Variants in CCDC50 observed in about 807,000 individuals in gnomAD.
The protein encoded by CCDC50 is coiled-coil domain containing 50, also known as coiled-coil domain-containing protein 50.
A neutral mutation model predicts 70.2 loss-of-function variants in CCDC50; 54 were observed. The observed-to-expected ratio is 0.77, with a 90% confidence interval of 0.62 to 0.96. CCDC50 has a LOEUF of 0.96. CCDC50 is among the 50% of genes least tolerant of loss of function. The pLI, the probability that CCDC50 is intolerant of heterozygous loss-of-function variation, is 0.00. For synonymous variants in CCDC50, 216 were observed against 198.8 expected (o/e 1.09, Z -0.73); for missense variants, 558 against 578.7 (o/e 0.96, Z 0.37).
chr3:191,396,562 C>T lies in CCDC50; in HGVS notation c.*4802C>T, dbSNP rs1713865202. On this transcript the variant is annotated 3_prime_UTR_variant, in exon 12 of 12. Coordinates refer to ENST00000392455, the MANE Select transcript of CCDC50 (RefSeq NM_178335.3). Reference sequence around the variant, plus strand: ...ATGGTGACTACATAGAAGATATTTCCAAAGGTTCTGTTATGCAGTGAAGAC... The same window carrying T: ...ATGGTGACTACATAGAAGATATTTCTAAAGGTTCTGTTATGCAGTGAAGAC... 6.6e-6 allele frequency: 1 copy of T among 152,004 alleles called. No homozygotes were observed. Among genetic ancestry groups the T allele is most frequent in the Non-Finnish European group, 1.5e-5 (1 of 67,992 alleles). 9.4% of individuals were successfully genotyped at this position (152,004 alleles called of 1,614,324 possible). A position where few individuals can be genotyped will look rare whatever the true frequency, so the allele number is the denominator to read the frequency against.
rs1341943154 is a variant in CCDC50, at chr3:191,392,965, T to C, written c.*1205T>C. ...GTTGGCCAGGCTGGTCTCGAACCCC[T>C]GACCTCAAGTGATCCACCTGCCTTG... is the stretch of plus-strand genomic sequence containing the variant. On this transcript the variant is annotated 3_prime_UTR_variant, in exon 12 of 12. Transcript: ENST00000392455. The C allele has an allele frequency of 1.3e-5, 2 of 152,264 alleles. No individual in the cohort carries two copies. The highest frequency in any genetic ancestry group is 2.9e-5 in the Non-Finnish European group (2 of 68,096). 9.4% of individuals were successfully genotyped at this position (152,264 alleles called of 1,614,324 possible). A position where few individuals can be genotyped will look rare whatever the true frequency, so the allele number is the denominator to read the frequency against.
At chr3:191,382,569 G>A (rs974659741) in intron 9 of CCDC50, among the ~76,000 whole-genome samples, 177 bp from the exon 10 acceptor site, 1 of 152,046 alleles carries the variant, frequency 6.6e-6, no homozygotes, top group African/African-American at 2.4e-5. Flanking sequence ...TCTACCTCTG[G>A]AGTGGCCATA....
intron 3 of CCDC50, among the ~76,000 whole-genome samples, chr3:191,359,246 TTA>T (rs957197121): frequency 1.1e-4 from 17 of 152,112 alleles, no homozygotes; most frequent in Admixed American, 5.9e-4. Flanking sequence ...AATTAGAAGT[TTA>T]TAGTGATGGG....
In CCDC50 at chr3:191,392,705, GT is replaced by G. The variant is rs1230294865; in HGVS notation, c.*946del. 6.6e-6 allele frequency: 1 copy of G among 152,186 alleles called. No individual in the cohort carries two copies. The highest frequency in any genetic ancestry group is 1.5e-5 in the Non-Finnish European group (1 of 68,054). 9.4% of individuals were successfully genotyped at this position (152,186 alleles called of 1,614,324 possible). ...TCAACATGAAGTTGAATTTGATGAA[GT>G]GGTCATCTATCCAAGTATTTGGTTT... is the stretch of plus-strand genomic sequence containing the variant. On this transcript the variant is annotated 3_prime_UTR_variant, in exon 12 of 12. Coordinates refer to ENST00000392455, the MANE Select transcript of CCDC50 (RefSeq NM_178335.3).
At chr3:191,391,665 TGG>T (rs1576978904) in intron 11 of CCDC50, 74 bp from the exon 12 acceptor site, 1 of 1,259,318 alleles carries the variant, frequency 7.9e-7, no homozygotes, top group East Asian at 2.3e-5. Flanking sequence ...TTATTTTACT[TGG>T]GCAGGGAGAA....
Position 191,396,403 on chromosome 3 carries a change from T to G in CCDC50, c.*4643T>G, listed in dbSNP as rs1713858332. The G allele has an allele frequency of 6.6e-6, 1 of 152,154 alleles. No individual in the cohort carries two copies. Among genetic ancestry groups the G allele is most frequent in the Admixed American group, 6.5e-5 (1 of 15,278 alleles). 9.4% of individuals were successfully genotyped at this position (152,154 alleles called of 1,614,324 possible). The stretch of plus-strand genomic sequence containing the variant: ...TCTGTAACACAATAAATACATAATT[T>G]TATTTCATGTTGTCTGTCCACCTCT... On this transcript the variant is annotated 3_prime_UTR_variant, in exon 12 of 12. Transcript: ENST00000392455.
At chr3:191,378,916 A>G (rs1282277135) in intron 6 of CCDC50, among the ~76,000 whole-genome samples, 1 of 152,038 alleles carries the variant, frequency 6.6e-6, no homozygotes, top group African/African-American at 2.4e-5. Flanking sequence ...GGAAATACAG[A>G]TGTGTATGAG....
intron 4 of CCDC50, among the ~76,000 whole-genome samples, chr3:191,362,269 G>A (rs1342179498): frequency 1.3e-5 from 2 of 151,842 alleles, no homozygotes; most frequent in African/African-American, 4.8e-5. Context: ...AGGCACACGC[G>A]CCCACACTTG....
chr3:191,329,450 C>A lies in CCDC50; in HGVS notation c.-225C>A, dbSNP rs1210406867. 2.2e-6 allele frequency: 1 copy of A among 462,858 alleles called. No individual in the cohort carries two copies. Among genetic ancestry groups the A allele is most frequent in the East Asian group, 3.9e-5 (1 of 25,880 alleles). The allele number at this position is 462,858 out of a possible 1,614,324, so 28.7% of individuals were successfully genotyped here. On this transcript the variant is annotated 5_prime_UTR_variant, in exon 1 of 12. Transcript: ENST00000392455. ...GGGGCCGGGGACGCGGAGCAGGTGG[C>A]CGCGGCGGGGCAGCTGGGCCGCCAG... is the stretch of plus-strand genomic sequence containing the variant.
intron 1 of CCDC50, among the ~76,000 whole-genome samples, chr3:191,349,880 G>A (rs1712045292): frequency 7.2e-6 from 1 of 139,746 alleles, no homozygotes; most frequent in South Asian, 2.3e-4. Flanking sequence ...CTGAATACAT[G>A]TACCATCTTT....
chr3:191,336,530 G>T (rs1286381508), intron 1 of CCDC50, among the ~76,000 whole-genome samples: 1 of 151,470 alleles, frequency 6.6e-6, no homozygotes, highest in Non-Finnish European at 1.5e-5. Flanking sequence ...TCTTATTATT[G>T]AATTTGGGAG....
intron 5 of CCDC50, among the ~76,000 whole-genome samples, chr3:191,371,657 C>T (rs539887187): frequency 2.0e-5 from 3 of 152,096 alleles, no homozygotes; most frequent in South Asian, 4.1e-4. Context: ...ATTTTTTGCT[C>T]TAAATTTACC....
rs1713076824 is a variant in CCDC50, at chr3:191,375,504, G to A, written c.891G>A (p.Gly297=). The change falls in exon 6 of 12, where the codon GGG becomes GGA. Residue 297 remains glycine (G), a synonymous_variant. Transcript: ENST00000392455. The stretch of plus-strand genomic sequence containing the variant: ...AAGTTGTATATGGGAGGGACCATGG[G>A]CAAGGTGAGCACAGAAAAAGGAGAC... ...CKEVVYGRDH[G]QGEHRKRRHR... 1 of 1,613,500 alleles carries A rather than the reference G, an allele frequency of 6.2e-7. No individual in the cohort carries two copies. Among genetic ancestry groups the A allele is most frequent in the Non-Finnish European group, 8.5e-7 (1 of 1,179,818 alleles).
Position 191,396,757 on chromosome 3 carries a change from G to A in CCDC50, c.*4997G>A, listed in dbSNP as rs1713873178. On this transcript the variant is annotated 3_prime_UTR_variant, in exon 12 of 12. Transcript: ENST00000392455. ...TTTATTACTTATAAGAGAAAAGCAG[G>A]AAAACTTTTGCTTTGATAAGAAAGA... The A allele has an allele frequency of 6.6e-6, 1 of 152,136 alleles. No individual in the cohort carries two copies. The highest frequency in any genetic ancestry group is 1.5e-5 in the Non-Finnish European group (1 of 68,012). The allele number at this position is 152,136 out of a possible 1,614,324, so 9.4% of individuals were successfully genotyped here.
chr3:191,376,864 T>TG (rs1353242121), intron 6 of CCDC50, among the ~76,000 whole-genome samples: 1 of 152,074 alleles, frequency 6.6e-6, no homozygotes, highest in Non-Finnish European at 1.5e-5. Flanking sequence ...TCCAAAGGTG[T>TG]GGGGGAAGTA....
chr3:191,371,937 A>C (rs1712928004), intron 5 of CCDC50, among the ~76,000 whole-genome samples: 1 of 152,234 alleles, frequency 6.6e-6, no homozygotes, highest in Admixed American at 6.5e-5. Context: ...TTTTTTAAAA[A>C]GTCTGCTTTG....
chr3:191,396,827 G>A lies in CCDC50; in HGVS notation c.*5067G>A, dbSNP rs572798938. 6.6e-5 allele frequency: 10 copies of A among 152,270 alleles called. No individual in the cohort carries two copies. Among genetic ancestry groups the A allele is most frequent in the South Asian group, 2.1e-4 (1 of 4,828 alleles). The allele number at this position is 152,270 out of a possible 1,614,324, so 9.4% of individuals were successfully genotyped here. On this transcript the variant is annotated 3_prime_UTR_variant, in exon 12 of 12. Transcript: ENST00000392455. Reference sequence around the variant, plus strand: ...TTTGATGCCACAGGCTAACACAATCGTGTAATCATGTTGAGTTGTAGAAAT... The same window carrying A: ...TTTGATGCCACAGGCTAACACAATCATGTAATCATGTTGAGTTGTAGAAAT...
At chr3:191,387,986 A>T (rs1713555156) in intron 10 of CCDC50, among the ~76,000 whole-genome samples, 1 of 151,846 alleles carries the variant, frequency 6.6e-6, no homozygotes, top group Non-Finnish European at 1.5e-5. Flanking sequence ...ATTTGTCTTA[A>T]TTTTTCTACC....
At chr3:191,361,631 G>A (rs1341365781) in intron 4 of CCDC50, among the ~76,000 whole-genome samples, 2 of 152,136 alleles carry the variant, frequency 1.3e-5, no homozygotes, top group Non-Finnish European at 2.9e-5. Context: ...TTCTCTGTCT[G>A]TATCTTTGTG....
Sources: allele counts gnomAD v4.1 joint callset (sites outside exome capture counted in the v4.1 genomes callset), GRCh38; gene constraint gnomAD v4.1.1; transcripts MANE v1.5; gene names NCBI Gene and HGNC (gene_info 2026-07-23, HGNC 2026-07-21).